The following B3GALT5 variants were observed in gnomAD, a reference collection of about 807,000 sequenced individuals.
The protein encoded by B3GALT5 is beta-1,3-galactosyltransferase 5, also known as UDP-Gal:betaGlcNAc beta 1,3-galactosyltransferase, polypeptide 5.
For missense variants in B3GALT5, 328 were observed against 396.6 expected (o/e 0.83, Z 1.47); for synonymous variants, 156 against 158.6 (o/e 0.98, Z 0.12).
At chr21:39,629,856 A>G (rs2079182559) in intron 1 of B3GALT5, among the ~76,000 whole-genome samples, 2 of 152,206 alleles carry the variant, frequency 1.3e-5, no homozygotes, top group South Asian at 4.1e-4. Context: ...TTTCTCTTAA[A>G]TCTGTGTACA....
chr21:39,629,601 T>C (rs1439993998), intron 1 of B3GALT5, among the ~76,000 whole-genome samples: 1 of 152,240 alleles, frequency 6.6e-6, no homozygotes, highest in Non-Finnish European at 1.5e-5. Context: ...TTTTTCTTTC[T>C]TTCATAATGA....
intron 2 of B3GALT5, among the ~76,000 whole-genome samples, chr21:39,655,789 C>G (rs1352278045): frequency 2.6e-5 from 4 of 152,174 alleles, no homozygotes; most frequent in Non-Finnish European, 4.4e-5. Context: ...CTGGGGTCAG[C>G]TGCGGGGAGG....
At chr21:39,639,074 T>C (rs1273563659) in intron 1 of B3GALT5, among the ~76,000 whole-genome samples, 1 of 152,172 alleles carries the variant, frequency 6.6e-6, no homozygotes, top group Non-Finnish European at 1.5e-5. Flanking sequence ...CTCGCTCCCA[T>C]ATTACCACGA....
rs2079644320 is a variant in B3GALT5, at chr21:39,672,994, A to G, written c.*11502A>G. The G allele has an allele frequency of 6.6e-6, 1 of 152,228 alleles. No individual in the cohort carries two copies. Among genetic ancestry groups the G allele is most frequent in the South Asian group, 2.1e-4 (1 of 4,830 alleles). 9.4% of individuals were successfully genotyped at this position (152,228 alleles called of 1,614,324 possible). A position where few individuals can be genotyped will look rare whatever the true frequency, so the allele number is the denominator to read the frequency against. ...CTCAGGTATATTTTAACTAAAAGCT[A>G]TCATTTAAGTTGAAGAAATCAAGTC... On this transcript the variant is annotated 3_prime_UTR_variant, in exon 4 of 4. Transcript: ENST00000684187.
chr21:39,629,595 T>C (rs946085659), intron 1 of B3GALT5, among the ~76,000 whole-genome samples: 97 of 152,350 alleles, frequency 6.4e-4, no homozygotes, highest in African/African-American at 2.3e-3. Context: ...TTAGTCTTTT[T>C]CTTTCTTTCA....
At chr21:39,627,625 T>C (rs2079171238) in intron 1 of B3GALT5, among the ~76,000 whole-genome samples, 1 of 152,188 alleles carries the variant, frequency 6.6e-6, no homozygotes, top group Admixed American at 6.5e-5. Context: ...CCTGGACATT[T>C]TCCCATTCTT....
At chr21:39,621,101 A>AG (rs2079132156) in intron 1 of B3GALT5, among the ~76,000 whole-genome samples, 1 of 152,140 alleles carries the variant, frequency 6.6e-6, no homozygotes, top group Non-Finnish European at 1.5e-5. Flanking sequence ...CCTTTCTCTG[A>AG]GAAAAAAAAG....
In B3GALT5 at chr21:39,660,778, C is replaced by G. The variant is rs767466324; in HGVS notation, c.219C>G (p.Arg73=). The change falls in exon 4 of 4, where the codon CGC becomes CGG. Residue 73 remains arginine (R), a synonymous_variant. Coordinates refer to ENST00000684187, the MANE Select transcript of B3GALT5 (RefSeq NM_001356336.2). ...VTSSHKQLAE[R]MAIRQTWGKE... ...CATCCCACAAACAGTTGGCTGAGCG[C>G]ATGGCCATCCGGCAGACGTGGGGGA... 1.3e-6 allele frequency: 2 copies of G among 1,567,522 alleles called. No homozygotes were observed. Among genetic ancestry groups the G allele is most frequent in the South Asian group, 2.4e-5 (2 of 81,886 alleles).
chr21:39,652,625 C>T (rs2079406608), intron 2 of B3GALT5, among the ~76,000 whole-genome samples: 1 of 152,216 alleles, frequency 6.6e-6, no homozygotes, highest in Admixed American at 6.5e-5. Context: ...TCTGCAGCTT[C>T]TTCAGCTGAT....
intron 1 of B3GALT5, among the ~76,000 whole-genome samples, chr21:39,642,873 C>CAAAAA (rs1210751363): frequency 1.1e-4 from 11 of 99,882 alleles, no homozygotes; most frequent in East Asian, 2.6e-4. Flanking sequence ...CCCATTGCCA[C>CAAAAA]AAAAAAAAAA....
At chr21:39,638,128 G>C (rs1211825977) in intron 1 of B3GALT5, among the ~76,000 whole-genome samples, 10 of 152,184 alleles carry the variant, frequency 6.6e-5, no homozygotes, top group Admixed American at 4.6e-4. Context: ...GAAGGGGGAA[G>C]GGCGTGGTCC....
At chr21:39,653,673 T>C (rs2079415851) in intron 2 of B3GALT5, among the ~76,000 whole-genome samples, 1 of 152,172 alleles carries the variant, frequency 6.6e-6, no homozygotes, top group Non-Finnish European at 1.5e-5. Context: ...TTCCAGAGGG[T>C]GGATTCCAAA....
At chr21:39,659,129 A>G (rs2079482393) in intron 2 of B3GALT5, among the ~76,000 whole-genome samples, 1 of 152,172 alleles carries the variant, frequency 6.6e-6, no homozygotes, top group Admixed American at 6.5e-5. Flanking sequence ...GGTCACAGCT[A>G]CTTGGGAAGC....
At position 39,652,412 on chromosome 21, in the gene B3GALT5, C is replaced by T. The variant is rs542357542; in HGVS notation, c.-161+5790C>T. 2.6e-5 allele frequency among the ~76,000 whole-genome samples: 4 copies of T among 152,360 alleles called. No individual in the cohort carries two copies. In the South Asian group the frequency reaches 8.3e-4, roughly 32 times the overall value. ...AATTACTGCTGGGCATGCAGCACTT[C>T]CCAACCGTTCTGTGAGGCAGGCAGT... On this transcript the variant is annotated intron_variant, in intron 2 of 3. Transcript: ENST00000684187.
At chr21:39,632,199 A>G (rs1024262066) in intron 1 of B3GALT5, among the ~76,000 whole-genome samples, 2 of 152,190 alleles carry the variant, frequency 1.3e-5, no homozygotes, top group Admixed American at 6.5e-5. Context: ...CTTTTCCAGC[A>G]TTTCCCAAGT....
chr21:39,657,447 C>G (rs551861948), intron 2 of B3GALT5: 1 of 154,886 alleles, frequency 6.5e-6, no homozygotes, highest in Admixed American at 6.5e-5. Flanking sequence ...CCTTTGGACC[C>G]GAGGATTTAT....
chr21:39,648,306 TA>T (rs138815844), intron 2 of B3GALT5, among the ~76,000 whole-genome samples: 14,109 of 149,130 alleles, frequency 0.095, 843 homozygotes, highest in Admixed American at 0.16. Flanking sequence ...GTACTTAAGT[TA>T]AAAAAAAAAT....
At chr21:39,653,854 C>A (rs1364336490) in intron 2 of B3GALT5, among the ~76,000 whole-genome samples, 1 of 152,180 alleles carries the variant, frequency 6.6e-6, no homozygotes, top group Non-Finnish European at 1.5e-5. Context: ...TTTGTATATT[C>A]TTTGGAACTG....
rs2079590421 is a variant in B3GALT5 at position 39,667,709 on chromosome 21, AGGTTACTGTCTACCTGGT to A, written c.*6220_*6237del. On this transcript the variant is annotated 3_prime_UTR_variant, in exon 4 of 4. Coordinates refer to ENST00000684187, the MANE Select transcript of B3GALT5 (RefSeq NM_001356336.2). ...CCGGTAAGGAGGTAACTGGGACACCAGGTTACTGTCTACCTGGTGGGGAAGCTGGGGAAAAGGGCCCAT... is the reference window on the plus strand; with the variant it reads ...CCGGTAAGGAGGTAACTGGGACACCAGGGGAAGCTGGGGAAAAGGGCCCAT... 1 of 152,238 alleles carries A rather than the reference AGGTTACTGTCTACCTGGT, an allele frequency of 6.6e-6. No individual in the cohort carries two copies. Among genetic ancestry groups the A allele is most frequent in the African/African-American group, 2.4e-5 (1 of 41,456 alleles). The allele number at this position is 152,238 out of a possible 1,614,324, so 9.4% of individuals were successfully genotyped here. A position where few individuals can be genotyped will look rare whatever the true frequency, so the allele number is the denominator to read the frequency against.
Sources: allele counts gnomAD v4.1 joint callset (sites outside exome capture counted in the v4.1 genomes callset), GRCh38; gene constraint gnomAD v4.1.1; transcripts MANE v1.5; gene names NCBI Gene and HGNC (gene_info 2026-07-23, HGNC 2026-07-21).